Variants in CACNA2D3 observed in about 807,000 individuals in gnomAD.
CACNA2D3 encodes the protein calcium voltage-gated channel auxiliary subunit alpha2delta 3, also known as voltage-dependent calcium channel subunit alpha-2/delta-3.
Under a neutral mutation model 160.6 loss-of-function variants are expected in CACNA2D3, and 60 were observed. That is an observed-to-expected ratio of 0.37 (90% CI 0.30 to 0.46). The LOEUF is 0.46. Ranked by LOEUF, CACNA2D3 falls within the 20% of genes least tolerant of loss-of-function variation. The pLI is 1.00. For missense variants in CACNA2D3, 1,205 were observed against 1,365.0 expected (o/e 0.88, Z 1.85); for synonymous variants, 558 against 492.9 (o/e 1.13, Z -1.75).
chr3:54,609,841 G>A (rs1698713047), intron 9 of CACNA2D3, among the ~76,000 whole-genome samples: 1 of 152,078 alleles, frequency 6.6e-6, no homozygotes, highest in Non-Finnish European at 1.5e-5. Context: ...TTTGGGAAAT[G>A]TTGTTGTGTA....
At chr3:54,185,446 A>C (rs963552124) in intron 2 of CACNA2D3, among the ~76,000 whole-genome samples, 6 of 152,198 alleles carry the variant, frequency 3.9e-5, no homozygotes, top group African/African-American at 1.4e-4. Flanking sequence ...TCTCAAACTT[A>C]TTTAAGATCC....
chr3:55,069,935 G>GT (rs1704762222), intron 35 of CACNA2D3, among the ~76,000 whole-genome samples: 1 of 152,194 alleles, frequency 6.6e-6, no homozygotes, highest in Non-Finnish European at 1.5e-5. Flanking sequence ...TTGATCATGA[G>GT]TGCCAAAGTT....
intron 14 of CACNA2D3, among the ~76,000 whole-genome samples, chr3:54,829,511 C>T (rs918086473): frequency 5.3e-5 from 8 of 152,040 alleles, no homozygotes; most frequent in African/African-American, 1.9e-4. Context: ...TGCTTACATC[C>T]CCTTTTCCAG....
At chr3:54,378,432 C>T (rs1217375861) in intron 3 of CACNA2D3, among the ~76,000 whole-genome samples, 1 of 152,138 alleles carries the variant, frequency 6.6e-6, no homozygotes, top group East Asian at 1.9e-4. Flanking sequence ...TGCTGTGCAG[C>T]CCAGTTCCTA....
intron 2 of CACNA2D3, among the ~76,000 whole-genome samples, chr3:54,261,992 G>A (rs1218311784): frequency 6.6e-6 from 1 of 152,112 alleles, no homozygotes; most frequent in African/African-American, 2.4e-5. Context: ...CCCCACATGT[G>A]TCTCCTGGGG....
At chr3:54,621,079 G>A (rs1698977224) in intron 9 of CACNA2D3, among the ~76,000 whole-genome samples, 2 of 152,160 alleles carry the variant, frequency 1.3e-5, no homozygotes, top group South Asian at 4.1e-4. Flanking sequence ...GGGTGTCATT[G>A]ATAGATGGCT....
At chr3:54,959,254 G>T (rs1701976488) in intron 27 of CACNA2D3, among the ~76,000 whole-genome samples, 1 of 152,188 alleles carries the variant, frequency 6.6e-6, no homozygotes, top group Non-Finnish European at 1.5e-5. Flanking sequence ...GTGGTGTTCA[G>T]TTCACCACAG....
chr3:54,970,658 G>A (rs571614319), intron 29 of CACNA2D3, among the ~76,000 whole-genome samples: 2 of 125,870 alleles, frequency 1.6e-5, no homozygotes, highest in South Asian at 2.9e-4. Context: ...TGCCTTTTGG[G>A]AGGAGGGATT....
Position 54,591,848 on chromosome 3 carries a change from G to C in CACNA2D3, c.963+9971G>C, listed in dbSNP as rs557868644. ...ACTCGCGGTGTGATCATCGATGCTA[G>C]TCTTCTGTCCTGAGTTAAAGGAGTC... is the stretch of plus-strand genomic sequence containing the variant. On this transcript the variant is annotated intron_variant, in intron 9 of 37. Transcript: ENST00000474759. Among the ~76,000 whole-genome samples the C allele has an allele frequency of 2.6e-5, 3 of 115,194 alleles. No homozygotes were observed. The South Asian group carries it at 8.4e-4, about 32-fold the overall frequency. The allele number at this position is 115,194 out of a possible 152,430, so 75.6% of individuals were successfully genotyped here.
chr3:54,868,064 T>C (rs757683190), intron 17 of CACNA2D3, among the ~76,000 whole-genome samples: 2 of 152,194 alleles, frequency 1.3e-5, no homozygotes, highest in East Asian at 1.9e-4. Flanking sequence ...GGAGTGCCAC[T>C]CTCTGGCCTT....
intron 13 of CACNA2D3, among the ~76,000 whole-genome samples, chr3:54,810,444 G>A (rs1703275386): frequency 1.3e-5 from 2 of 152,152 alleles, no homozygotes; most frequent in South Asian, 4.1e-4. Context: ...CTATAGTAGA[G>A]TGCGGATCTT....
At chr3:54,198,709 C>G (rs1421673059) in intron 2 of CACNA2D3, among the ~76,000 whole-genome samples, 7 of 152,270 alleles carry the variant, frequency 4.6e-5, no homozygotes, top group Non-Finnish European at 1.0e-4. Context: ...GGCCATGCCA[C>G]TGTCCCTCAG....
intron 15 of CACNA2D3, 136 bp from the exon 16 acceptor site, chr3:54,838,432 G>T: frequency 1.4e-6 from 1 of 708,070 alleles, no homozygotes; most frequent in South Asian, 1.7e-5. Context: ...GACCATTCTT[G>T]GAGATATGGG....
intron 27 of CACNA2D3, among the ~76,000 whole-genome samples, chr3:54,919,475 A>G (rs572502320): frequency 6.6e-6 from 1 of 152,290 alleles, no homozygotes; most frequent in Admixed American, 6.5e-5. Flanking sequence ...GGTACCATGA[A>G]TGTGTCTCCT....
rs553557975 is a variant in CACNA2D3, at chr3:55,061,412, C to G, written c.2988-12033C>G. 5.5e-4 allele frequency among the ~76,000 whole-genome samples: 83 copies of G among 152,268 alleles called. No individual in the cohort carries two copies. In the Middle Eastern group the frequency reaches 0.014, roughly 25 times the overall value. On this transcript the variant is annotated intron_variant, in intron 35 of 37. Transcript: ENST00000474759. ...CTTCTAGGGCTCAGCTCCCTAAAGC[C>G]TAGATTTTCCAACTGCAGGGTGATC...
chr3:54,268,495 T>C (rs1702560575), intron 2 of CACNA2D3, among the ~76,000 whole-genome samples: 1 of 152,166 alleles, frequency 6.6e-6, no homozygotes, highest in Admixed American at 6.5e-5. Flanking sequence ...CTGCAACCTC[T>C]GCCTCCTGGG....
intron 3 of CACNA2D3, among the ~76,000 whole-genome samples, chr3:54,363,166 G>GCCTAGCGA (rs565978492): frequency 5.9e-4 from 89 of 151,896 alleles, no homozygotes; most frequent in African/African-American, 2.1e-3. Flanking sequence ...CTGCACTCCA[G>GCCTAGCGA]CCTAGCGATA....
At chr3:54,581,727 G>T in intron 8 of CACNA2D3, 76 bp from the exon 9 acceptor site, 1 of 1,193,342 alleles carries the variant, frequency 8.4e-7, no homozygotes, top group African/African-American at 1.5e-5. Context: ...GTTTGTGTGC[G>T]TACCTCCTTA....
Position 55,062,280 on chromosome 3 carries a change from C to CTTT in CACNA2D3, c.2988-11152_2988-11150dup, listed in dbSNP as rs10693110. 1.6e-4 allele frequency among the ~76,000 whole-genome samples: 23 copies of CTTT among 139,868 alleles called. No homozygotes were observed. The East Asian group carries it at 2.3e-3, about 14-fold the overall frequency. 91.8% of individuals were successfully genotyped at this position (139,868 alleles called of 152,430 possible). On this transcript the variant is annotated intron_variant, in intron 35 of 37. Coordinates refer to ENST00000474759, the MANE Select transcript of CACNA2D3 (RefSeq NM_018398.3). Reference sequence around the variant, plus strand: ...GACTACAGGCACACATCATATCTGTCTTTTTTTTTTTTTTTGACATACAGC... The same window carrying CTTT: ...GACTACAGGCACACATCATATCTGTCTTTTTTTTTTTTTTTTTTGACATACAGC...
Sources: allele counts gnomAD v4.1 joint callset (sites outside exome capture counted in the v4.1 genomes callset), GRCh38; gene constraint gnomAD v4.1.1; transcripts MANE v1.5; gene names NCBI Gene and HGNC (gene_info 2026-07-23, HGNC 2026-07-21).